RNF11: variants seen among roughly 807,000 people sequenced by gnomAD.
The protein encoded by RNF11 is ring finger protein 11.
In RNF11, 4 loss-of-function variants were observed where a neutral mutation model predicts 15.8. The observed-to-expected ratio is 0.25, with a 90% confidence interval of 0.12 to 0.58. The LOEUF (loss-of-function observed/expected upper bound fraction) is 0.58, where lower values mean the gene tolerates loss of function less well. RNF11 is among the 20% of genes least tolerant of loss of function. The pLI, the probability that RNF11 is intolerant of heterozygous loss-of-function variation, is 0.91. For missense variants in RNF11, 139 were observed against 194.4 expected, an observed-to-expected ratio of 0.71 and a Z score of 1.70; for synonymous variants, 68 against 72.3, an observed-to-expected ratio of 0.94 and a Z score of 0.30.
intron 1 of RNF11, among the ~76,000 whole-genome samples, chr1:51,242,593 T>A (rs1267998438): frequency 1.3e-5 from 2 of 152,186 alleles, no homozygotes; most frequent in Non-Finnish European, 2.9e-5. Context: ...AATGTACTGC[T>A]TATTTTTAAG....
intron 2 of RNF11, 88 bp downstream of exon 2, chr1:51,270,213 C>G: frequency 1.1e-6 from 1 of 949,358 alleles, no homozygotes; most frequent in Non-Finnish European, 1.6e-6. Context: ...TTTAGAAAGT[C>G]AGACATTTAA....
chr1:51,256,017 G>A (rs1008572172), intron 1 of RNF11, among the ~76,000 whole-genome samples: 5 of 152,064 alleles, frequency 3.3e-5, no homozygotes, highest in Admixed American at 6.6e-5. Context: ...CTAGAATTTT[G>A]ATAGAGCTAC....
At chr1:51,241,949 A>G (rs1383475369) in intron 1 of RNF11, among the ~76,000 whole-genome samples, 1 of 152,222 alleles carries the variant, frequency 6.6e-6, no homozygotes, top group Non-Finnish European at 1.5e-5. Context: ...AAAAGAGTGT[A>G]ATATTCATTG....
At chr1:51,244,890 C>A (rs997329047) in intron 1 of RNF11, among the ~76,000 whole-genome samples, 3 of 152,220 alleles carry the variant, frequency 2.0e-5, no homozygotes, top group African/African-American at 7.2e-5. Flanking sequence ...GAGTTTAATT[C>A]TAGAGCTAAT....
chr1:51,260,171 G>GT (rs1412984976), intron 1 of RNF11, among the ~76,000 whole-genome samples: 3 of 152,114 alleles, frequency 2.0e-5, no homozygotes, highest in Non-Finnish European at 4.4e-5. Flanking sequence ...AAACATTTCA[G>GT]TTTTTTGGTA....
At chr1:51,252,011 A>G (rs1646880139) in intron 1 of RNF11, among the ~76,000 whole-genome samples, 3 of 141,162 alleles carry the variant, frequency 2.1e-5, no homozygotes, top group African/African-American at 8.6e-5. Flanking sequence ...TCCGGGAGAC[A>G]GGTCGCAGTG....
intron 1 of RNF11, among the ~76,000 whole-genome samples, chr1:51,241,253 T>A (rs1646827844): frequency 6.6e-6 from 1 of 152,164 alleles, no homozygotes. Flanking sequence ...TCTGCCTGGC[T>A]CAGGTTTTAA....
chr1:51,254,132 T>TG (rs1553168967), intron 1 of RNF11, among the ~76,000 whole-genome samples: 1 of 152,236 alleles, frequency 6.6e-6, no homozygotes, highest in Admixed American at 6.5e-5. Flanking sequence ...TGATGAATAT[T>TG]GGGGGGTTCC....
At chr1:51,258,691 G>A (rs772431098) in intron 1 of RNF11, among the ~76,000 whole-genome samples, 9 of 152,070 alleles carry the variant, frequency 5.9e-5, no homozygotes, top group African/African-American at 1.4e-4. Context: ...CAAATTTCTC[G>A]AGTTAATAAA....
In RNF11 at chr1:51,236,798, C is replaced by T. The variant is rs750485250; in HGVS notation, c.42C>T (p.Ser14=). ...CLKSPTSDDI[S]LLHESQSDRA... Reference sequence around the variant, plus strand: ...AATCCCCCACCTCGGATGACATCTCCCTGCTTCACGAGTCTCAGTCCGACC... The same window carrying T: ...AATCCCCCACCTCGGATGACATCTCTCTGCTTCACGAGTCTCAGTCCGACC... Residue 14 remains serine, a synonymous_variant, in exon 1 of 3, where the codon TCC becomes TCT. Transcript: ENST00000242719. 2 of 1,613,498 alleles carry T rather than the reference C, an allele frequency of 1.2e-6. No individual in the cohort carries two copies. The highest frequency in any genetic ancestry group is 1.7e-6 in the Non-Finnish European group (2 of 1,179,720).
intron 1 of RNF11, among the ~76,000 whole-genome samples, chr1:51,246,093 C>G (rs181128056): frequency 2.0e-5 from 3 of 152,146 alleles, no homozygotes; most frequent in African/African-American, 4.8e-5. Context: ...TAGAGAAACC[C>G]CGTCTCTACT....
At chr1:51,253,612 G>A (rs72896491) in intron 1 of RNF11, among the ~76,000 whole-genome samples, 3,179 of 151,884 alleles carry the variant, frequency 0.021, 91 homozygotes, top group African/African-American at 0.065. Context: ...GTGAAGATAA[G>A]TAAAATGATC....
Position 51,273,163 on chromosome 1 carries a change from C to G in RNF11, c.*1841C>G, listed in dbSNP as rs1405541443. 6.6e-6 allele frequency: 1 copy of G among 152,128 alleles called. No homozygotes were observed. Among genetic ancestry groups the G allele is most frequent in the Non-Finnish European group, 1.5e-5 (1 of 67,988 alleles). The allele number at this position is 152,128 out of a possible 1,614,324, so 9.4% of individuals were successfully genotyped here. A position where few individuals can be genotyped will look rare whatever the true frequency, so the allele number is the denominator to read the frequency against. ...GCTTTTTTTATTCTTGTGTTTTCTA[C>G]TTAAACATAATGTCTGTGTCATCAA... is the stretch of plus-strand genomic sequence containing the variant. On this transcript the variant is annotated 3_prime_UTR_variant, in exon 3 of 3. Transcript: ENST00000242719.
At chr1:51,257,860 T>C (rs1483937171) in intron 1 of RNF11, among the ~76,000 whole-genome samples, 1 of 143,124 alleles carries the variant, frequency 7.0e-6, no homozygotes. Context: ...TTTCTTTTTT[T>C]TTTTTTTTTT....
intron 1 of RNF11, among the ~76,000 whole-genome samples, chr1:51,253,256 G>A (rs1646889223): frequency 6.6e-6 from 1 of 152,102 alleles, no homozygotes; most frequent in South Asian, 2.1e-4. Flanking sequence ...CGGGCACAGG[G>A]GTTCAAGCCT....
At chr1:51,263,730 C>T (rs1446409884) in intron 1 of RNF11, among the ~76,000 whole-genome samples, 1 of 152,044 alleles carries the variant, frequency 6.6e-6, no homozygotes, top group Non-Finnish European at 1.5e-5. Context: ...TAGTAGTAGC[C>T]TAGGGCCGGG....
At chr1:51,255,393 G>A (rs772787704) in intron 1 of RNF11, among the ~76,000 whole-genome samples, 11 of 152,186 alleles carry the variant, frequency 7.2e-5, no homozygotes, top group Non-Finnish European at 1.5e-4. Flanking sequence ...CTGAGTAGCT[G>A]GGACTAGAGG....
chr1:51,263,430 G>A (rs1467914001), intron 1 of RNF11, among the ~76,000 whole-genome samples: 1 of 152,090 alleles, frequency 6.6e-6, no homozygotes, highest in African/African-American at 2.4e-5. Context: ...GGCATACCTT[G>A]TTTTATTGCA....
chr1:51,245,543 C>T (rs1646847987), intron 1 of RNF11, among the ~76,000 whole-genome samples: 1 of 150,974 alleles, frequency 6.6e-6, no homozygotes, highest in Non-Finnish European at 1.5e-5. Context: ...CTTCTGCCAC[C>T]TGGGTTCAAG....
Sources: allele counts gnomAD v4.1 joint callset (sites outside exome capture counted in the v4.1 genomes callset), GRCh38; gene constraint gnomAD v4.1.1; transcripts MANE v1.5; gene names NCBI Gene and HGNC (gene_info 2026-07-23, HGNC 2026-07-21).